The following IL9R variants were observed in gnomAD, a reference collection of about 807,000 sequenced individuals.
IL9R encodes the protein interleukin 9 receptor.
In IL9R, 54 loss-of-function variants were observed where a neutral mutation model predicts 56.3. The observed-to-expected ratio is 0.96, with a 90% confidence interval of 0.77 to 1.20. The LOEUF is 1.20. Among genes scored for constraint, IL9R ranks in the 50% most tolerant of loss-of-function variants. The pLI is 0.00. For synonymous variants in IL9R, 212 were observed against 250.2 expected (o/e 0.85, Z 1.44); for missense variants, 545 against 629.8 (o/e 0.87, Z 1.44).
chrX:156,009,405 G>GTGTGTGTGTGTCTC (rs1569479287), intron 8 of IL9R, among the ~76,000 whole-genome samples: 1 of 127,564 alleles, frequency 7.8e-6, no homozygotes, highest in Non-Finnish European at 1.7e-5. Flanking sequence ...GTGTGTCTCT[G>GTGTGTGTGTGTCTC]TGTGTGTGTG....
chrX:155,999,387 T>C (rs1296828777), intron 1 of IL9R, among the ~76,000 whole-genome samples: 1 of 152,078 alleles, frequency 6.6e-6, no homozygotes, highest in Non-Finnish European at 1.5e-5. Context: ...TCTCTGAAAG[T>C]GTGTGGGAAA....
chrX:156,003,443 C>T lies in IL9R; in HGVS notation c.143-6C>T. The T allele has an allele frequency of 6.2e-7, 1 of 1,605,248 alleles. No homozygotes were observed. Among genetic ancestry groups the T allele is most frequent in the African/African-American group, 1.3e-5 (1 of 74,782 alleles). On this transcript the variant is annotated splice_polypyrimidine_tract_variant and splice_region_variant and intron_variant, in intron 2 of 8. Transcript: ENST00000244174. The stretch of plus-strand genomic sequence containing the variant: ...ACCGTGGGCTCCTGATGGTCACTGT[C>T]TCCAGGGCCAAGGTCTAGAACCTTC...
At chrX:156,003,587 G>A in intron 3 of IL9R, 27 bp downstream of exon 3, 1 of 1,607,018 alleles carries the variant, frequency 6.2e-7, no homozygotes, top group Non-Finnish European at 8.5e-7. Context: ...ATGCCCACCT[G>A]GACAGGGATG....
At chrX:155,999,447 T>C (rs753839937) in intron 1 of IL9R, among the ~76,000 whole-genome samples, 222 of 152,226 alleles carry the variant, frequency 1.5e-3, no homozygotes, top group African/African-American at 5.1e-3. Context: ...GCACCTTCTC[T>C]ATGAGGTGTC....
chrX:156,011,490 A>T (rs2068442660), downstream of IL9R, among the ~76,000 whole-genome samples: 2 of 102,590 alleles, frequency 1.9e-5, 1 homozygote, highest in Non-Finnish European at 3.4e-5. Flanking sequence ...CTGACTCCCC[A>T]AGGGGAATGC....
chrX:156,005,838 C>A (rs1358841547), intron 6 of IL9R, among the ~76,000 whole-genome samples: 7 of 152,066 alleles, frequency 4.6e-5, no homozygotes, highest in Admixed American at 1.3e-4. Flanking sequence ...ACTTTATGAC[C>A]CACCTTGTGG....
At chrX:156,001,259 G>A in intron 1 of IL9R, 1 of 722,030 alleles carries the variant, frequency 1.4e-6, no homozygotes, top group South Asian at 1.6e-5. Flanking sequence ...CTCCACTGCT[G>A]GGGCAGCAGT....
intron 1 of IL9R, among the ~76,000 whole-genome samples, chrX:155,999,839 A>T (rs1407217907): frequency 6.6e-6 from 1 of 152,104 alleles, no homozygotes; most frequent in Non-Finnish European, 1.5e-5. Context: ...AAAAAGACAA[A>T]ATATGGCCAG....
chrX:156,006,331 C>A lies in IL9R; in HGVS notation c.887+143C>A, dbSNP rs771515819. On this transcript the variant is annotated intron_variant, in intron 7 of 8. Coordinates refer to ENST00000244174, the MANE Select transcript of IL9R (RefSeq NM_002186.3). ...CAAGGGCCGCCCTTGTCTGGTTCCT[C>A]CCCTCCCCTCTCCACTGCCTGGTCC... 4,575 of 621,314 alleles carry A rather than the reference C, an allele frequency of 7.4e-3. 94 individuals are homozygous for A. In the African/African-American group the frequency reaches 0.077, roughly 10 times the overall value. 38.5% of individuals were successfully genotyped at this position (621,314 alleles called of 1,614,324 possible). A position where few individuals can be genotyped will look rare whatever the true frequency, so the allele number is the denominator to read the frequency against.
In IL9R at chrX:156,006,873, T is replaced by C. The variant is rs1195064541; in HGVS notation, c.888-650T>C. On this transcript the variant is annotated intron_variant, in intron 7 of 8. Transcript: ENST00000244174. Reference sequence around the variant, plus strand: ...GGACAAGGGGACATGGGGGACCTGCTGGAGGCCAATGGGGGCCAGTGAGGT... The same window carrying C: ...GGACAAGGGGACATGGGGGACCTGCCGGAGGCCAATGGGGGCCAGTGAGGT... Among the ~76,000 whole-genome samples, 5 of 150,188 alleles carry C rather than the reference T, an allele frequency of 3.3e-5. No homozygotes were observed. The East Asian group carries it at 8.2e-4, about 25-fold the overall frequency.
chrX:156,002,769 G>T (rs764185814), intron 1 of IL9R, 137 bp from the exon 2 acceptor site: 2 of 1,249,540 alleles, frequency 1.6e-6, no homozygotes, highest in East Asian at 2.3e-5. Flanking sequence ...GCTGGACACT[G>T]TGTGAGTGTT....
Position 156,003,001 on chromosome X carries a change from G to A in IL9R, c.124G>A (p.Val42Ile), listed in dbSNP as rs768611857. ...CACCTGTGTCTGCTTGGGAGTCTCTGTCACAGGGGAAGGACAAGGTGAGGG... is the reference window on the plus strand; with the variant it reads ...CACCTGTGTCTGCTTGGGAGTCTCTATCACAGGGGAAGGACAAGGTGAGGG... Reference protein sequence around the residue: ...ICTCVCLGVSVTGEGQGPRSR... With the variant: ...ICTCVCLGVSITGEGQGPRSR... The change falls in exon 2 of 9, where the codon GTC (valine) becomes ATC (isoleucine). Residue 42 changes from valine (V) to isoleucine (I), a missense_variant. By Grantham distance (29) the Val-to-Ile change is conservative (BLOSUM62 3). Transcript: ENST00000244174. 1.9e-6 allele frequency: 3 copies of A among 1,613,764 alleles called. No homozygotes were observed. Among genetic ancestry groups the A allele is most frequent in the Admixed American group, 1.7e-5 (1 of 59,992 alleles).
At position 156,005,305 on chromosome X, in the gene IL9R, G is replaced by C; in HGVS notation, c.607G>C (p.Gly203Arg). ...GGCCCAGCACAGGGATCACATTGTC[G>C]GGGTGACCTGGCTTATACTTGAAGC... ...EQAQHRDHIV[G>R]VTWLILEAFE... The change falls in exon 6 of 9, where the codon GGG becomes CGG. Residue 203 changes from glycine to arginine, a missense_variant. Physicochemically the swap from Gly to Arg is moderately radical, Grantham distance 125. This residue lies in a region of IL9R where 431 missense variants were observed against 360.0 expected (regional missense o/e 1.20). Coordinates refer to ENST00000244174, the MANE Select transcript of IL9R (RefSeq NM_002186.3). The C allele has an allele frequency of 6.2e-7, 1 of 1,612,034 alleles. No individual in the cohort carries two copies. The highest frequency in any genetic ancestry group is 1.1e-5 in the South Asian group (1 of 90,988).
At chrX:155,998,688 G>A (rs370787288) in intron 1 of IL9R, among the ~76,000 whole-genome samples, 14 of 152,130 alleles carry the variant, frequency 9.2e-5, no homozygotes, top group African/African-American at 1.2e-4. Flanking sequence ...CATGAACACC[G>A]TCCAGAAGCA....
chrX:156,007,113 C>A (rs1438492593), intron 7 of IL9R, among the ~76,000 whole-genome samples: 1 of 151,066 alleles, frequency 6.6e-6, no homozygotes, highest in Non-Finnish European at 1.5e-5. Context: ...AGGTGACATC[C>A]TTGTGGGAGG....
intron 1 of IL9R, 116 bp downstream of exon 1, chrX:155,997,903 C>T (rs1489834252): frequency 3.1e-5 from 30 of 981,588 alleles, no homozygotes; most frequent in East Asian, 1.7e-4. Context: ...CATTTGAGAG[C>T]GCCACCCTAG....
chrX:156,004,279 C>T (rs1442648307), intron 4 of IL9R, 141 bp from the exon 5 acceptor site: 2 of 767,968 alleles, frequency 2.6e-6, no homozygotes, highest in African/African-American at 1.7e-5. Context: ...CTTTTGTGGA[C>T]CAGTCTCCCA....
chrX:155,997,763 G>A lies in IL9R; in HGVS notation c.4G>A (p.Gly2Arg), dbSNP rs2067241355. The part of the protein sequence containing the change: M[G>R]LGRCIWEGWT... The stretch of plus-strand genomic sequence containing the variant: ...TTGGGGATGCCTCAGACTTGTGATG[G>A]GACTGGGCAGATGCATCTGGGAAGG... The change falls in exon 1 of 9, where the codon GGA becomes AGA. Residue 2 changes from glycine (G) to arginine (R), a missense_variant. Coordinates refer to ENST00000244174, the MANE Select transcript of IL9R (RefSeq NM_002186.3). The A allele has an allele frequency of 1.2e-6, 2 of 1,613,570 alleles. No homozygotes were observed. The highest frequency in any genetic ancestry group is 1.7e-5 in the Admixed American group (1 of 59,964).
At chrX:155,998,667 G>T (rs1000692372) in intron 1 of IL9R, among the ~76,000 whole-genome samples, 18 of 151,998 alleles carry the variant, frequency 1.2e-4, no homozygotes, top group Admixed American at 3.3e-4. Context: ...CCCGCTCCTG[G>T]GTACCCACAA....
Sources: allele counts gnomAD v4.1 joint callset (sites outside exome capture counted in the v4.1 genomes callset), GRCh38; gene constraint gnomAD v4.1.1; regional missense constraint gnomAD v4.1.1; transcripts MANE v1.5; gene names NCBI Gene and HGNC (gene_info 2026-07-23, HGNC 2026-07-21).